The following C10orf71 variants were observed in gnomAD, a reference collection of about 807,000 sequenced individuals.
C10orf71 encodes the protein chromosome 10 open reading frame 71.
For missense variants in C10orf71, 1,869 were observed against 1,804.5 expected (o/e 1.04, Z -0.65); for synonymous variants, 758 against 726.3 (o/e 1.04, Z -0.70).
At position 49,325,946 on chromosome 10, in the gene C10orf71, T is replaced by C; in HGVS notation, c.3401T>C (p.Leu1134Pro). The C allele has an allele frequency of 6.4e-7, 1 of 1,551,556 alleles. No homozygotes were observed. The highest frequency in any genetic ancestry group is 8.7e-7 in the Non-Finnish European group (1 of 1,146,936). Residue 1134 changes from leucine to proline, a missense_variant, in exon 3 of 3, where the codon CTC (leucine) becomes CCC (proline). Leu to Pro is a moderately conservative substitution (Grantham distance 98). Coordinates refer to ENST00000374144, the MANE Select transcript of C10orf71 (RefSeq NM_001135196.2). Reference sequence around the variant, plus strand: ...CTACTTGAGCTGTCGGCAGAAGACCTCCGGACCCTCTCTCCAAGAGGTTCA... The same window carrying C: ...CTACTTGAGCTGTCGGCAGAAGACCCCCGGACCCTCTCTCCAAGAGGTTCA... ...DPLLELSAED[L>P]RTLSPRGSLL...
In C10orf71 at chr10:49,323,725, C is replaced by T; in HGVS notation, c.1180C>T (p.Leu394=). 1.2e-6 allele frequency: 2 copies of T among 1,613,978 alleles called. No individual in the cohort carries two copies. Among genetic ancestry groups the T allele is most frequent in the Non-Finnish European group, 1.7e-6 (2 of 1,179,892 alleles). Residue 394 remains leucine, a synonymous_variant, in exon 3 of 3, where the codon CTA becomes TTA. Coordinates refer to ENST00000374144, the MANE Select transcript of C10orf71 (RefSeq NM_001135196.2). ...PKTGKKGKES[L]QDTLEEKTQT... ...GACTGGCAAAAAAGGGAAAGAAAGTCTACAAGATACTTTAGAAGAAAAGAC... is the reference window on the plus strand; with the variant it reads ...GACTGGCAAAAAAGGGAAAGAAAGTTTACAAGATACTTTAGAAGAAAAGAC...
chr10:49,306,038 T>C (rs1313556186), intron 1 of C10orf71, among the ~76,000 whole-genome samples: 4 of 152,238 alleles, frequency 2.6e-5, no homozygotes, highest in Non-Finnish European at 5.9e-5. Flanking sequence ...TCTTACTACA[T>C]GTAGAGGAGA....
rs1849275056 is a variant in C10orf71, at chr10:49,327,018, G to C, written c.*165G>C. 6.3e-7 allele frequency: 1 copy of C among 1,590,090 alleles called. No homozygotes were observed. The highest frequency in any genetic ancestry group is 1.7e-5 in the Admixed American group (1 of 58,174). On this transcript the variant is annotated 3_prime_UTR_variant, in exon 3 of 3. Transcript: ENST00000374144. ...TCCATAAAGTCCAGAAGGCAGTAGG[G>C]ATCCCAAGACGACCTCACCCAAAGG...
Position 49,326,593 on chromosome 10 carries a change from C to T in C10orf71, c.4048C>T (p.Arg1350Cys). The change falls in exon 3 of 3, where the codon CGC (arginine) becomes TGC (cysteine). Residue 1350 changes from arginine (R) to cysteine (C), a missense_variant. Physicochemically the swap from Arg to Cys is radical, Grantham distance 180. Coordinates refer to ENST00000374144, the MANE Select transcript of C10orf71 (RefSeq NM_001135196.2). ...PVPVTALMPLRCSSQLSAPTF... is the reference protein window; with the variant it reads ...PVPVTALMPLCCSSQLSAPTF... ...GCCCGTGACGGCCTTGATGCCGCTG[C>T]GCTGCTCCTCTCAGCTCTCCGCGCC... is the stretch of plus-strand genomic sequence containing the variant. The T allele has an allele frequency of 1.9e-6, 3 of 1,550,506 alleles. No individual in the cohort carries two copies. The highest frequency in any genetic ancestry group is 1.2e-5 in the South Asian group (1 of 84,046).
chr10:49,317,770 G>A (rs1849024087), intron 2 of C10orf71, among the ~76,000 whole-genome samples: 1 of 152,202 alleles, frequency 6.6e-6, no homozygotes. Flanking sequence ...AAGATCACTT[G>A]AGTCCAAAAG....
rs1437168416 is a variant in C10orf71 at position 49,325,358 on chromosome 10, C to T, written c.2813C>T (p.Pro938Leu). 6.4e-7 allele frequency: 1 copy of T among 1,551,742 alleles called. No homozygotes were observed. Among genetic ancestry groups the T allele is most frequent in the South Asian group, 1.2e-5 (1 of 84,068 alleles). ...ATGGCCAACGAGGTCATGGAGGACC[C>T]TGGGCAGGGGTCGAGCATGGCCAGG... ...KCMANEVMED[P>L]GQGSSMARME... The change falls in exon 3 of 3, where the codon CCT (proline) becomes CTT (leucine). Residue 938 changes from proline (P) to leucine (L), a missense_variant. Coordinates refer to ENST00000374144, the MANE Select transcript of C10orf71 (RefSeq NM_001135196.2).
rs558942962 is a variant in C10orf71, at chr10:49,317,808, G to A, written c.-145+1561G>A. On this transcript the variant is annotated intron_variant, in intron 2 of 2. Coordinates refer to ENST00000374144, the MANE Select transcript of C10orf71 (RefSeq NM_001135196.2). ...TGAGGCTGCAGTAAGCTATGATTAC[G>A]CCACTACACTCCAGCCTGGGTGACA... Among the ~76,000 whole-genome samples, 15 of 152,252 alleles carry A rather than the reference G, an allele frequency of 9.9e-5. No individual in the cohort carries two copies. The East Asian group carries it at 1.2e-3, about 12-fold the overall frequency.
In C10orf71 at chr10:49,325,435, G is replaced by A. The variant is rs1204601785; in HGVS notation, c.2890G>A (p.Val964Met). The change falls in exon 3 of 3, where the codon GTG (valine) becomes ATG (methionine). Residue 964 changes from valine to methionine, a missense_variant. Val to Met is a conservative substitution (Grantham distance 21). Transcript: ENST00000374144. ...PKGNFPSMPL[V>M]GEGDRVKAPP... is the part of the protein sequence containing the mutation. ...GGGGAATTTCCCATCTATGCCTCTG[G>A]TGGGAGAGGGGGACCGGGTGAAGGC... is the stretch of plus-strand genomic sequence containing the variant. The A allele has an allele frequency of 1.3e-6, 2 of 1,550,186 alleles. No homozygotes were observed. The highest frequency in any genetic ancestry group is 3.9e-5 in the Admixed American group (2 of 50,958).
rs1416200682 is a variant in C10orf71, at chr10:49,324,139, G to A, written c.1594G>A (p.Asp532Asn). The A allele has an allele frequency of 1.9e-6, 3 of 1,613,866 alleles. No homozygotes were observed. Among genetic ancestry groups the A allele is most frequent in the Non-Finnish European group, 2.5e-6 (3 of 1,179,898 alleles). ...TGATGAGAAAACTAGAGGTAAGGTT[G>A]ATGGAAAGCAAGAACCTGTGAGCAA... is the stretch of plus-strand genomic sequence containing the variant. ...VLDEKTRGKV[D>N]GKQEPVSNGV... Residue 532 changes from aspartate to asparagine, a missense_variant, in exon 3 of 3, where the codon GAT becomes AAT. Transcript: ENST00000374144.
chr10:49,324,430 G>C lies in C10orf71; in HGVS notation c.1885G>C (p.Gly629Arg), dbSNP rs377136815. 4.4e-6 allele frequency: 7 copies of C among 1,609,004 alleles called. No homozygotes were observed. Among genetic ancestry groups the C allele is most frequent in the Non-Finnish European group, 5.1e-6 (6 of 1,177,524 alleles). ...AGGAGAGTTGGAGATGGGTCCTGCC[G>C]GATCCAGCTGGTGTCCAGACTCCAG... ...VEGELEMGPA[G>R]SSWCPDSREH... Residue 629 changes from glycine (G) to arginine (R), a missense_variant, in exon 3 of 3, where the codon GGA becomes CGA. By Grantham distance (125) the Gly-to-Arg change is moderately radical (BLOSUM62 -2). Coordinates refer to ENST00000374144, the MANE Select transcript of C10orf71 (RefSeq NM_001135196.2).
At chr10:49,318,483 CAG>C (rs1429902285) in intron 2 of C10orf71, among the ~76,000 whole-genome samples, 1 of 152,236 alleles carries the variant, frequency 6.6e-6, no homozygotes, top group Non-Finnish European at 1.5e-5. Context: ...GGAGCATGTG[CAG>C]AGAGGCCTTC....
At chr10:49,297,735 C>T (rs1462381636), upstream of C10orf71, among the ~76,000 whole-genome samples, 4 of 152,164 alleles carry the variant, frequency 2.6e-5, no homozygotes, top group Non-Finnish European at 5.9e-5. Context: ...AGCCAGGGCT[C>T]AAAATCCTGT....
At position 49,323,249 on chromosome 10, in the gene C10orf71, T is replaced by C. The variant is rs1399741366; in HGVS notation, c.704T>C (p.Phe235Ser). Reference sequence around the variant, plus strand: ...ATGGCCTGTCACGGCTCCAGCAGCTTCCTCCCAGCAGCCAATGACACGGCC... The same window carrying C: ...ATGGCCTGTCACGGCTCCAGCAGCTCCCTCCCAGCAGCCAATGACACGGCC... The part of the protein sequence containing the change: ...PEMACHGSSS[F>S]LPAANDTATL... Residue 235 changes from phenylalanine (F) to serine (S), a missense_variant, in exon 3 of 3, where the codon TTC (phenylalanine) becomes TCC (serine). Transcript: ENST00000374144. The C allele has an allele frequency of 6.2e-7, 1 of 1,613,656 alleles. No individual in the cohort carries two copies. The highest frequency in any genetic ancestry group is 1.1e-5 in the South Asian group (1 of 91,042).
At chr10:49,311,114 T>G (rs1322810429) in intron 1 of C10orf71, among the ~76,000 whole-genome samples, 1 of 151,578 alleles carries the variant, frequency 6.6e-6, no homozygotes, top group Non-Finnish European at 1.5e-5. Flanking sequence ...ACATGGAATA[T>G]CTGGGTCCTC....
intron 1 of C10orf71, among the ~76,000 whole-genome samples, chr10:49,303,812 T>C (rs536769981): frequency 8.5e-5 from 13 of 152,058 alleles, no homozygotes; most frequent in African/African-American, 3.1e-4. Flanking sequence ...AGTTGGGTGC[T>C]GGTCAGCTCC....
chr10:49,325,402 G>A lies in C10orf71; in HGVS notation c.2857G>A (p.Ala953Thr), dbSNP rs1849207449. ...SMARMEASQPAPKGNFPSMPL... is the reference protein window; with the variant it reads ...SMARMEASQPTPKGNFPSMPL... ...GGCCAGGATGGAGGCCTCTCAGCCA[G>A]CCCCAAAGGGGAATTTCCCATCTAT... Residue 953 changes from alanine to threonine, a missense_variant, in exon 3 of 3, where the codon GCC (alanine) becomes ACC (threonine). By Grantham distance (58) the Ala-to-Thr change is moderately conservative. Transcript: ENST00000374144. 1.9e-6 allele frequency: 3 copies of A among 1,550,438 alleles called. No individual in the cohort carries two copies. Among genetic ancestry groups the A allele is most frequent in the Admixed American group, 2.0e-5 (1 of 50,952 alleles).
chr10:49,298,087 T>A (rs78106259), upstream of C10orf71, among the ~76,000 whole-genome samples: 23,208 of 152,244 alleles, frequency 0.15, 2,059 homozygotes, highest in South Asian at 0.29. Flanking sequence ...TGGGTCCCTG[T>A]GGCCCTGGCT....
In C10orf71 at chr10:49,325,755, T is replaced by C; in HGVS notation, c.3210T>C (p.Pro1070=). ...GSPGESSACS[P]AASNIWEESS... ...CCGGGGAGAGCAGTGCCTGCTCCCC[T>C]GCTGCCAGCAACATTTGGGAGGAGT... is the stretch of plus-strand genomic sequence containing the variant. The change falls in exon 3 of 3, where the codon CCT becomes CCC. Residue 1070 remains proline, a synonymous_variant. Coordinates refer to ENST00000374144, the MANE Select transcript of C10orf71 (RefSeq NM_001135196.2). 6.4e-7 allele frequency: 1 copy of C among 1,551,426 alleles called. No homozygotes were observed. Among genetic ancestry groups the C allele is most frequent in the Non-Finnish European group, 8.7e-7 (1 of 1,146,886 alleles).
chr10:49,303,918 C>G (rs1189202651), intron 1 of C10orf71, among the ~76,000 whole-genome samples: 1 of 152,218 alleles, frequency 6.6e-6, no homozygotes, highest in East Asian at 1.9e-4. Flanking sequence ...CAGCAGTCAT[C>G]TACCAGCTAC....
Sources: allele counts gnomAD v4.1 joint callset (sites outside exome capture counted in the v4.1 genomes callset), GRCh38; gene constraint gnomAD v4.1.1; transcripts MANE v1.5; gene names NCBI Gene and HGNC (gene_info 2026-07-23, HGNC 2026-07-21).